Variants in LRRC4C observed in about 807,000 individuals in gnomAD.
LRRC4C encodes the protein leucine rich repeat containing 4C, also known as leucine-rich repeat-containing protein 4C.
LRRC4C carries 5 observed loss-of-function variants against 33.6 expected under a neutral mutation model. That is an observed-to-expected ratio of 0.15 (90% CI 0.08 to 0.31). The LOEUF (loss-of-function observed/expected upper bound fraction) is 0.31. Ranked by LOEUF, LRRC4C falls within the 10% of genes least tolerant of loss-of-function variation. The pLI, the probability that LRRC4C is intolerant of heterozygous loss-of-function variation, is 1.00. For missense variants in LRRC4C, 560 were observed against 796.7 expected (o/e 0.70, Z 3.58); for synonymous variants, 329 against 302.0 (o/e 1.09, Z -0.93).
At chr11:40,591,669 A>G (rs1959065504) in intron 3 of LRRC4C, among the ~76,000 whole-genome samples, 1 of 152,212 alleles carries the variant, frequency 6.6e-6, no homozygotes, top group Non-Finnish European at 1.5e-5. Context: ...TGTTAACATA[A>G]ATTAAAATGA....
chr11:40,333,435 G>A (rs1397758830), intron 3 of LRRC4C, among the ~76,000 whole-genome samples: 1 of 151,906 alleles, frequency 6.6e-6, no homozygotes, highest in South Asian at 2.1e-4. Context: ...TTGTAAATAT[G>A]GCCTGGCGTG....
intron 2 of LRRC4C, among the ~76,000 whole-genome samples, chr11:40,680,193 A>C (rs114061850): frequency 0.014 from 2,138 of 152,266 alleles, 58 homozygotes; most frequent in African/African-American, 0.045. Context: ...TCCCATTTGC[A>C]ATGGCTGTAT....
chr11:40,981,305 T>A (rs558279667), intron 1 of LRRC4C, among the ~76,000 whole-genome samples: 1 of 151,946 alleles, frequency 6.6e-6, no homozygotes, highest in Non-Finnish European at 1.5e-5. Context: ...TCCCAGCTAC[T>A]CAGGAGGCTG....
At chr11:40,630,496 T>G (rs1427943049) in intron 3 of LRRC4C, among the ~76,000 whole-genome samples, 1 of 151,856 alleles carries the variant, frequency 6.6e-6, no homozygotes, top group Non-Finnish European at 1.5e-5. Context: ...ATGCAGCAAG[T>G]TTTGAGTTAC....
At chr11:40,839,465 C>G (rs112311480) in intron 2 of LRRC4C, among the ~76,000 whole-genome samples, 1 of 152,068 alleles carries the variant, frequency 6.6e-6, no homozygotes, top group Non-Finnish European at 1.5e-5. Flanking sequence ...AGGCTGGTCT[C>G]GAACTGCTGA....
chr11:40,170,960 T>C (rs972286597), intron 5 of LRRC4C, among the ~76,000 whole-genome samples: 10 of 152,184 alleles, frequency 6.6e-5, no homozygotes, highest in Non-Finnish European at 1.3e-4. Flanking sequence ...TGGGAAGGCA[T>C]ATAATATGTA....
chr11:40,151,532 T>G (rs1284902789), intron 5 of LRRC4C, among the ~76,000 whole-genome samples: 3 of 152,246 alleles, frequency 2.0e-5, no homozygotes, highest in Non-Finnish European at 4.4e-5. Context: ...TCAAGTCAAG[T>G]ATAATGTTTC....
At chr11:40,915,902 T>C (rs1264501697) in intron 2 of LRRC4C, among the ~76,000 whole-genome samples, 1 of 151,984 alleles carries the variant, frequency 6.6e-6, no homozygotes, top group African/African-American at 2.4e-5. Flanking sequence ...GAACAGACAC[T>C]TCTCAAAAGA....
chr11:41,366,854 T>G (rs1952564109), intron 1 of LRRC4C, among the ~76,000 whole-genome samples: 1 of 152,182 alleles, frequency 6.6e-6, no homozygotes, highest in African/African-American at 2.4e-5. Flanking sequence ...TCCAGAATTG[T>G]GAGAAAAGAA....
intron 2 of LRRC4C, among the ~76,000 whole-genome samples, chr11:40,872,804 A>C (rs560647212): frequency 1.3e-5 from 2 of 152,244 alleles, no homozygotes; most frequent in Admixed American, 6.5e-5. Context: ...GAAAAAAATA[A>C]ATTTACTTCA....
At chr11:40,913,147 A>G (rs576351051) in intron 2 of LRRC4C, among the ~76,000 whole-genome samples, 22 of 152,310 alleles carry the variant, frequency 1.4e-4, no homozygotes, top group African/African-American at 5.3e-4. Flanking sequence ...ATGAGACAGA[A>G]AGTCAACAAG....
intron 1 of LRRC4C, among the ~76,000 whole-genome samples, chr11:41,186,971 T>C (rs2136189046): frequency 6.6e-6 from 1 of 152,320 alleles, no homozygotes; most frequent in Admixed American, 6.5e-5. Flanking sequence ...AGAACCCTGA[T>C]TTTTTAATTA....
chr11:40,437,496 C>T (rs1194480223), intron 3 of LRRC4C, among the ~76,000 whole-genome samples: 3 of 151,524 alleles, frequency 2.0e-5, no homozygotes, highest in Non-Finnish European at 2.9e-5. Context: ...CATGTTCCAG[C>T]GATTTTCCTG....
intron 3 of LRRC4C, among the ~76,000 whole-genome samples, chr11:40,549,974 A>G (rs1163889181): frequency 6.6e-6 from 1 of 152,160 alleles, no homozygotes; most frequent in African/African-American, 2.4e-5. Flanking sequence ...AAAATTAAAC[A>G]GAGATGCTAT....
intron 2 of LRRC4C, among the ~76,000 whole-genome samples, chr11:40,826,672 C>T (rs1350805187): frequency 6.6e-6 from 1 of 151,862 alleles, no homozygotes; most frequent in African/African-American, 2.4e-5. Context: ...GATTATTAAT[C>T]TAGCCTTGAT....
At chr11:40,122,122 CT>C (rs1855869949) in intron 6 of LRRC4C, among the ~76,000 whole-genome samples, 1 of 152,138 alleles carries the variant, frequency 6.6e-6, no homozygotes, top group African/African-American at 2.4e-5. Context: ...CTCAGATTTA[CT>C]GACTCTTTTG....
intron 1 of LRRC4C, among the ~76,000 whole-genome samples, chr11:40,947,261 A>G (rs1958445153): frequency 6.6e-6 from 1 of 152,188 alleles, no homozygotes; most frequent in African/African-American, 2.4e-5. Context: ...AAAACGATGC[A>G]CAAATTTGCA....
At chr11:41,413,314 C>G (rs1425734308) in intron 1 of LRRC4C, among the ~76,000 whole-genome samples, 1 of 152,070 alleles carries the variant, frequency 6.6e-6, no homozygotes, top group Admixed American at 6.6e-5. Flanking sequence ...TGTGGTTTTA[C>G]TTTTTTGTAA....
chr11:41,122,956 T>A (rs1942518916), intron 1 of LRRC4C: 2 of 152,184 alleles, frequency 1.3e-5, no homozygotes, highest in African/African-American at 4.8e-5. Context: ...TGTATGGTGG[T>A]CATGCTAGTC....
Sources: gnomAD v4.1 joint callset for allele counts (sites outside exome capture counted in the v4.1 genomes callset) on GRCh38, gnomAD v4.1.1 for gene constraint, MANE v1.5 for transcripts, NCBI Gene and HGNC (gene_info 2026-07-23, HGNC 2026-07-21) for gene names.